The following CALN1 variants were observed in gnomAD, a reference collection of about 807,000 sequenced individuals.
CALN1 encodes the protein calcium-binding protein 8.
In CALN1, 17 loss-of-function variants were observed where a neutral mutation model predicts 30.6. That is an observed-to-expected ratio of 0.56 (90% CI 0.38 to 0.83). The LOEUF (loss-of-function observed/expected upper bound fraction) is 0.83, where lower values mean the gene tolerates loss of function less well. Ranked by LOEUF, CALN1 falls within the 40% of genes least tolerant of loss-of-function variation. CALN1 has a pLI of 0.00. For synonymous variants in CALN1, 156 were observed against 131.4 expected (o/e 1.19, Z -1.28); for missense variants, 291 against 354.9 (o/e 0.82, Z 1.45).
intron 5 of CALN1, among the ~76,000 whole-genome samples, chr7:72,013,810 A>G (rs540623511): frequency 1.3e-5 from 2 of 151,972 alleles, no homozygotes; most frequent in African/African-American, 4.8e-5. Context: ...TAAAGTGAAA[A>G]TATTATTTCT....
chr7:72,336,650 G>T (rs891138881), intron 2 of CALN1: 33 of 975,150 alleles, frequency 3.4e-5, no homozygotes, highest in Non-Finnish European at 4.0e-5. Flanking sequence ...ACCGAGGGAA[G>T]AAGAAAAGAG....
chr7:72,110,627 T>C (rs1308753350), intron 3 of CALN1, among the ~76,000 whole-genome samples: 1 of 151,518 alleles, frequency 6.6e-6, no homozygotes, highest in Non-Finnish European at 1.5e-5. Flanking sequence ...TGTGTCTGTC[T>C]GTCTGCAGAA....
At chr7:71,908,118 C>G (rs575067105) in intron 5 of CALN1, among the ~76,000 whole-genome samples, 71 of 152,300 alleles carry the variant, frequency 4.7e-4, no homozygotes, top group African/African-American at 1.3e-3. Flanking sequence ...AGGCTTCTCA[C>G]TTCACACCTC....
chr7:72,293,649 C>T (rs12532494), intron 2 of CALN1, among the ~76,000 whole-genome samples: 70,844 of 152,018 alleles, frequency 0.47, 17,517 homozygotes, highest in South Asian at 0.68. Flanking sequence ...CAAAGTGACA[C>T]GTTTGGTATT....
chr7:71,791,337 C>T (rs1018517960), intron 6 of CALN1, among the ~76,000 whole-genome samples: 8 of 152,140 alleles, frequency 5.3e-5, no homozygotes, highest in South Asian at 2.1e-4. Flanking sequence ...ATTGCTGGAT[C>T]GAATGGTAGT....
intron 2 of CALN1, among the ~76,000 whole-genome samples, chr7:72,330,711 G>C (rs184928116): frequency 2.0e-5 from 3 of 152,264 alleles, no homozygotes; most frequent in African/African-American, 7.2e-5. Context: ...ATCCAGATTT[G>C]TGGTGCATGA....
intron 4 of CALN1, among the ~76,000 whole-genome samples, chr7:72,099,031 C>T (rs1397340062): frequency 6.6e-6 from 1 of 152,220 alleles, no homozygotes; most frequent in Non-Finnish European, 1.5e-5. Context: ...TTGAGTTGCA[C>T]AGACAAACCC....
At chr7:71,823,968 G>A (rs1402311725) in intron 5 of CALN1, among the ~76,000 whole-genome samples, 1 of 152,048 alleles carries the variant, frequency 6.6e-6, no homozygotes, top group Non-Finnish European at 1.5e-5. Context: ...AACAGTATGG[G>A]AAAGATCCGC....
chr7:72,314,971 C>A (rs1800338950), intron 2 of CALN1, among the ~76,000 whole-genome samples: 1 of 141,474 alleles, frequency 7.1e-6, no homozygotes, highest in Non-Finnish European at 1.5e-5. Context: ...CACAGTGAGA[C>A]CCATCTCTAC....
At chr7:72,470,813 A>G in the CALN1 span, among the ~76,000 whole-genome samples, 1 of 152,208 alleles carries the variant, frequency 6.6e-6, no homozygotes, top group African/African-American at 2.4e-5. Context: ...GAATTAGTAT[A>G]TTTCAGTGAC....
chr7:72,329,062 A>G (rs1171841753), intron 2 of CALN1, among the ~76,000 whole-genome samples: 2 of 152,242 alleles, frequency 1.3e-5, no homozygotes, highest in African/African-American at 4.8e-5. Flanking sequence ...CAAAACCATA[A>G]AATCATTCAT....
At chr7:72,008,159 T>C (rs1337284969) in intron 5 of CALN1, among the ~76,000 whole-genome samples, 1 of 152,208 alleles carries the variant, frequency 6.6e-6, no homozygotes, top group Non-Finnish European at 1.5e-5. Context: ...ATCAAACACA[T>C]ATTGAGACAC....
At chr7:71,878,825 C>T (rs564790199) in intron 5 of CALN1, among the ~76,000 whole-genome samples, 2 of 152,204 alleles carry the variant, frequency 1.3e-5, no homozygotes, top group African/African-American at 2.4e-5. Context: ...CTTCCCTCCA[C>T]GCCAAGCCTG....
chr7:72,023,874 T>A (rs1476990898), intron 4 of CALN1, 105 bp from the exon 5 acceptor site: 2 of 698,264 alleles, frequency 2.9e-6, no homozygotes, highest in Non-Finnish European at 4.9e-6. Flanking sequence ...ATGACCTCAA[T>A]CAATGAAGAA....
chr7:71,905,867 C>T (rs1794108305), intron 5 of CALN1, among the ~76,000 whole-genome samples: 1 of 152,130 alleles, frequency 6.6e-6, no homozygotes, highest in Admixed American at 6.5e-5. Context: ...AATTGACTCA[C>T]AGTTCCACAT....
intron 5 of CALN1, among the ~76,000 whole-genome samples, chr7:71,887,551 G>A (rs572394393): frequency 4.1e-4 from 63 of 152,078 alleles, no homozygotes; most frequent in Middle Eastern, 3.2e-3. Context: ...CACCCGCCTC[G>A]GCCTCCCAAA....
chr7:72,114,959 A>G (rs1807863469), intron 3 of CALN1, among the ~76,000 whole-genome samples: 1 of 151,814 alleles, frequency 6.6e-6, no homozygotes, highest in African/African-American at 2.4e-5. Flanking sequence ...ATATCATTGC[A>G]CTCCAGCCTG....
At chr7:72,090,951 G>T (rs556217393) in intron 4 of CALN1, among the ~76,000 whole-genome samples, 2 of 152,166 alleles carry the variant, frequency 1.3e-5, no homozygotes, top group Admixed American at 6.5e-5. Context: ...GGTAAGAAGA[G>T]ATGGCTAATG....
At chr7:72,103,222 C>G (rs1395897898) in intron 4 of CALN1, 1 of 162,580 alleles carries the variant, frequency 6.2e-6, no homozygotes, top group Non-Finnish European at 1.4e-5. Context: ...TACTCCTCTC[C>G]TGGATATGCC....
Sources: allele counts gnomAD v4.1 joint callset (sites outside exome capture counted in the v4.1 genomes callset), GRCh38; gene constraint gnomAD v4.1.1; transcripts MANE v1.5; gene names NCBI Gene and HGNC (gene_info 2026-07-23, HGNC 2026-07-21).